The following SLC16A7 variants were observed in gnomAD, a reference collection of about 807,000 sequenced individuals.
SLC16A7 encodes solute carrier family 16 member 7.
A neutral mutation model predicts 34.9 loss-of-function variants in SLC16A7; 33 were observed. The observed-to-expected ratio is 0.94, with a 90% confidence interval of 0.72 to 1.26. SLC16A7 has a LOEUF of 1.26. Ranked by LOEUF, SLC16A7 falls within the 50% of genes most tolerant of loss-of-function variation. SLC16A7 has a pLI of 0.00. For synonymous variants in SLC16A7, 201 were observed against 206.6 expected (o/e 0.97, Z 0.23); for missense variants, 573 against 578.1 (o/e 0.99, Z 0.09).
At chr12:59,612,178 C>T (rs148580429) in intron 1 of SLC16A7, among the ~76,000 whole-genome samples, 40 of 152,346 alleles carry the variant, frequency 2.6e-4, no homozygotes, top group African/African-American at 9.4e-4. Flanking sequence ...AAACTTCTGC[C>T]TCGACATCTC....
At chr12:59,644,271 A>G (rs1880812357) in intron 1 of SLC16A7, among the ~76,000 whole-genome samples, 1 of 152,170 alleles carries the variant, frequency 6.6e-6, no homozygotes, top group Non-Finnish European at 1.5e-5. Flanking sequence ...GCGCATCAAA[A>G]GTTATAAAGT....
At chr12:59,602,325 A>G (rs964116231) in intron 1 of SLC16A7, among the ~76,000 whole-genome samples, 2 of 152,100 alleles carry the variant, frequency 1.3e-5, no homozygotes, top group African/African-American at 4.8e-5. Flanking sequence ...AACCTTTGGC[A>G]GTATTCATCC....
At chr12:59,681,982 A>C (rs1870784480) in intron 2 of SLC16A7, among the ~76,000 whole-genome samples, 1 of 152,132 alleles carries the variant, frequency 6.6e-6, no homozygotes, top group South Asian at 2.1e-4. Context: ...AAGGTCTTTG[A>C]AAATGAATTT....
In SLC16A7 at chr12:59,671,257, A is replaced by G. The variant is rs533522542; in HGVS notation, c.-31+16007A>G. ...GTCCTTTTAGAAAACCACATGCTTT[A>G]TTTGTTTAATAATATGTTTGAAATG... On this transcript the variant is annotated intron_variant, in intron 2 of 5. Coordinates refer to ENST00000547379, the MANE Select transcript of SLC16A7 (RefSeq NM_001270623.2). 2.0e-5 allele frequency among the ~76,000 whole-genome samples: 3 copies of G among 152,256 alleles called. No homozygotes were observed. In the East Asian group the frequency reaches 5.8e-4, roughly 29 times the overall value.
intron 1 of SLC16A7, among the ~76,000 whole-genome samples, chr12:59,646,763 G>C (rs760742215): frequency 6.6e-6 from 1 of 152,180 alleles, no homozygotes; most frequent in Non-Finnish European, 1.5e-5. Context: ...CAGGAGGGGG[G>C]CTGTACCATG....
At chr12:59,651,719 TAGTC>T (rs532349563) in intron 1 of SLC16A7, among the ~76,000 whole-genome samples, 55 of 152,284 alleles carry the variant, frequency 3.6e-4, no homozygotes, top group Non-Finnish European at 6.3e-4. Context: ...AACCTTGAGT[TAGTC>T]AGCCACTTAT....
chr12:59,727,151 C>CATATAT (rs61274058), intron 3 of SLC16A7, among the ~76,000 whole-genome samples: 1,825 of 141,942 alleles, frequency 0.013, 30 homozygotes, highest in African/African-American at 0.041. Context: ...ATGAGATGGA[C>CATATAT]ATATATATAT....
chr12:59,625,790 T>C (rs1334884122), intron 1 of SLC16A7, among the ~76,000 whole-genome samples: 4 of 151,866 alleles, frequency 2.6e-5, no homozygotes, highest in Non-Finnish European at 5.9e-5. Context: ...TCAGCACCAT[T>C]GAGAAGCAAA....
At chr12:59,754,621 TA>T (rs1189433701) in intron 3 of SLC16A7, among the ~76,000 whole-genome samples, 2 of 152,102 alleles carry the variant, frequency 1.3e-5, no homozygotes, top group African/African-American at 4.8e-5. Flanking sequence ...ATCAATAGCT[TA>T]CCAACCAAAA....
At chr12:59,633,512 T>A (rs1178214606) in intron 1 of SLC16A7, among the ~76,000 whole-genome samples, 1 of 151,986 alleles carries the variant, frequency 6.6e-6, no homozygotes, top group Non-Finnish European at 1.5e-5. Context: ...GGTGCTTCAT[T>A]TTTTTGCCAC....
intron 2 of SLC16A7, among the ~76,000 whole-genome samples, chr12:59,659,950 C>T (rs1256072183): frequency 6.6e-6 from 1 of 151,926 alleles, no homozygotes; most frequent in Non-Finnish European, 1.5e-5. Context: ...AGTTGAGAAG[C>T]CTGGGGGTAA....
chr12:59,789,287 A>T lies in SLC16A7; in HGVS notation c.*9608A>T, dbSNP rs1883833029. The stretch of plus-strand genomic sequence containing the variant: ...TGTATATTACAGTAATTCTCTGGCT[A>T]ATTTTAAAAGTAAGACATAGAAAAC... On this transcript the variant is annotated 3_prime_UTR_variant, in exon 6 of 6. Coordinates refer to ENST00000547379, the MANE Select transcript of SLC16A7 (RefSeq NM_001270623.2). 6.6e-6 allele frequency: 1 copy of T among 152,184 alleles called. No homozygotes were observed. The highest frequency in any genetic ancestry group is 2.1e-4 in the South Asian group (1 of 4,834). The allele number at this position is 152,184 out of a possible 1,614,324, so 9.4% of individuals were successfully genotyped here.
intron 4 of SLC16A7, among the ~76,000 whole-genome samples, chr12:59,771,669 T>C (rs1882244761): frequency 6.6e-6 from 1 of 152,214 alleles, no homozygotes; most frequent in African/African-American, 2.4e-5. Flanking sequence ...GATGGTGTTG[T>C]TGGACACAGA....
chr12:59,730,066 G>C (rs960924182), intron 3 of SLC16A7, among the ~76,000 whole-genome samples: 3 of 152,086 alleles, frequency 2.0e-5, no homozygotes, highest in African/African-American at 7.2e-5. Context: ...ATCTAGATTT[G>C]AAATTTCAGG....
chr12:59,692,187 C>T (rs1034475819), intron 2 of SLC16A7, among the ~76,000 whole-genome samples: 11 of 151,912 alleles, frequency 7.2e-5, no homozygotes, highest in South Asian at 4.1e-4. Context: ...TCTCTCTCTG[C>T]GTCTTCCTTT....
At chr12:59,757,479 C>T (rs1374765558) in intron 3 of SLC16A7, among the ~76,000 whole-genome samples, 1 of 152,050 alleles carries the variant, frequency 6.6e-6, no homozygotes, top group African/African-American at 2.4e-5. Context: ...TTATTCAAGA[C>T]TGCTTTTGAT....
At chr12:59,698,709 G>A (rs1287841826) in intron 2 of SLC16A7, among the ~76,000 whole-genome samples, 1 of 151,710 alleles carries the variant, frequency 6.6e-6, no homozygotes, top group Non-Finnish European at 1.5e-5. Flanking sequence ...ATTTAAAATG[G>A]CATAAGCAGC....
intron 1 of SLC16A7, among the ~76,000 whole-genome samples, chr12:59,601,166 A>G (rs1033777112): frequency 1.3e-5 from 2 of 152,224 alleles, no homozygotes; most frequent in East Asian, 3.8e-4. Context: ...GCATTTTATT[A>G]TAAGCATTTG....
chr12:59,720,408 A>G (rs180926218), intron 3 of SLC16A7, among the ~76,000 whole-genome samples: 1 of 152,222 alleles, frequency 6.6e-6, no homozygotes, highest in African/African-American at 2.4e-5. Context: ...AACTTCTTGT[A>G]TCACTAAAAT....
Sources: gnomAD v4.1 joint callset for allele counts (sites outside exome capture counted in the v4.1 genomes callset) on GRCh38, gnomAD v4.1.1 for gene constraint, MANE v1.5 for transcripts, NCBI Gene and HGNC (gene_info 2026-07-23, HGNC 2026-07-21) for gene names.